The following WRN variants were observed in gnomAD, a reference collection of about 807,000 sequenced individuals.
The protein encoded by WRN is WRN RecQ like helicase.
A neutral mutation model predicts 180.7 loss-of-function variants in WRN; 149 were observed. That is an observed-to-expected ratio of 0.82 (90% CI 0.72 to 0.94). The LOEUF (loss-of-function observed/expected upper bound fraction) is 0.94. WRN is among the 40% of genes least tolerant of loss of function. The pLI is 0.00. For missense variants in WRN, 1,661 were observed against 1,700.1 expected, an observed-to-expected ratio of 0.98 and a Z score of 0.40; for synonymous variants, 548 against 568.9, an observed-to-expected ratio of 0.96 and a Z score of 0.52.
chr8:31,154,896 A>T, intron 32 of WRN, 141 bp downstream of exon 32: 1 of 1,173,110 alleles, frequency 8.5e-7, no homozygotes, highest in Non-Finnish European at 1.2e-6. Context: ...TTAATTTTAA[A>T]AGAGAATGTT....
intron 19 of WRN, among the ~76,000 whole-genome samples, chr8:31,113,306 A>T (rs558631113): frequency 6.6e-6 from 1 of 152,234 alleles, no homozygotes; most frequent in African/African-American, 2.4e-5. Context: ...GGGAATATTG[A>T]TGCTAGGCCA....
At chr8:31,040,266 C>T (rs990472175) in intron 1 of WRN, among the ~76,000 whole-genome samples, 1 of 152,064 alleles carries the variant, frequency 6.6e-6, no homozygotes, top group Non-Finnish European at 1.5e-5. Flanking sequence ...ATTCAAATAT[C>T]CAGTAAATAA....
intron 18 of WRN, among the ~76,000 whole-genome samples, chr8:31,101,919 C>T (rs1485740862): frequency 6.7e-6 from 1 of 148,524 alleles, no homozygotes; most frequent in Non-Finnish European, 1.5e-5. Flanking sequence ...ATTGTAGATT[C>T]ACAAGAAGTT....
chr8:31,164,896 TA>T (rs1233252149), intron 33 of WRN, among the ~76,000 whole-genome samples: 2 of 152,152 alleles, frequency 1.3e-5, no homozygotes, highest in African/African-American at 4.8e-5. Flanking sequence ...GATGCACCTG[TA>T]AAGCTAAATG....
chr8:31,149,138 T>C (rs1802988267), intron 30 of WRN, among the ~76,000 whole-genome samples: 1 of 152,110 alleles, frequency 6.6e-6, no homozygotes. Flanking sequence ...GGCTCACGCT[T>C]GTAAATCCCA....
At chr8:31,151,653 A>T (rs1480593429) in intron 31 of WRN, among the ~76,000 whole-genome samples, 2 of 152,186 alleles carry the variant, frequency 1.3e-5, no homozygotes, top group African/African-American at 2.4e-5. Context: ...GATATTATTT[A>T]ATAATGAATG....
In WRN at chr8:31,175,958, C is replaced by T. The variant is rs1244060698; in HGVS notation, c.*2856C>T. On this transcript the variant is annotated 3_prime_UTR_variant, in exon 35 of 35. Transcript: ENST00000298139. The stretch of plus-strand genomic sequence containing the variant: ...TAAAGTGGTAGTGATAGATATAACC[C>T]ATATTAATAAAAGCTCTTTGGGGTC... Among the ~76,000 whole-genome samples, 1 of 151,902 alleles carries T rather than the reference C, an allele frequency of 6.6e-6. No homozygotes were observed. Among genetic ancestry groups the T allele is most frequent in the Admixed American group, 6.5e-5 (1 of 15,272 alleles).
chr8:31,142,161 G>A (rs1802665989), intron 26 of WRN, among the ~76,000 whole-genome samples: 1 of 151,990 alleles, frequency 6.6e-6, no homozygotes, highest in Admixed American at 6.5e-5. Flanking sequence ...TTCCTAGGCT[G>A]GTCTTGAACT....
chr8:31,149,344 C>T (rs865911169), intron 30 of WRN, among the ~76,000 whole-genome samples: 7 of 148,232 alleles, frequency 4.7e-5, no homozygotes, highest in Middle Eastern at 3.3e-3. Flanking sequence ...TTGCAGTGAG[C>T]GGAGATCGCG....
chr8:31,173,134 G>A lies in WRN; in HGVS notation c.*32G>A. The A allele has an allele frequency of 6.3e-7, 1 of 1,582,542 alleles. No homozygotes were observed. Among genetic ancestry groups the A allele is most frequent in the Non-Finnish European group, 8.7e-7 (1 of 1,151,980 alleles). On this transcript the variant is annotated 3_prime_UTR_variant, in exon 35 of 35. Coordinates refer to ENST00000298139, the MANE Select transcript of WRN (RefSeq NM_000553.6). ...AATTACCAGAACAATTATGTTTCTTGCTGTATTATAAGAGGATAGCTATAT... is the reference window on the plus strand; with the variant it reads ...AATTACCAGAACAATTATGTTTCTTACTGTATTATAAGAGGATAGCTATAT...
At chr8:31,049,393 A>T (rs1258565380) in intron 1 of WRN, among the ~76,000 whole-genome samples, 1 of 151,570 alleles carries the variant, frequency 6.6e-6, no homozygotes, top group East Asian at 2.0e-4. Flanking sequence ...TTAGCTGGGC[A>T]TGGTGGCATG....
At chr8:31,048,591 A>G (rs1438005013) in intron 1 of WRN, among the ~76,000 whole-genome samples, 5 of 152,190 alleles carry the variant, frequency 3.3e-5, no homozygotes, top group African/African-American at 7.2e-5. Flanking sequence ...TAAAACCTCA[A>G]TGTGCAAGGT....
At position 31,115,134 on chromosome 8, in the gene WRN, A is replaced by G. The variant is rs554284328; in HGVS notation, c.2274-1220A>G. 2.0e-5 allele frequency among the ~76,000 whole-genome samples: 3 copies of G among 152,146 alleles called. No individual in the cohort carries two copies. The South Asian group carries it at 6.2e-4, about 32-fold the overall frequency. On this transcript the variant is annotated intron_variant, in intron 19 of 34. Transcript: ENST00000298139. ...TGGTCTCGAACTTCTGAGCTCAGGT[A>G]ATCCGCCCGCCTTGGCATCCCAAAG...
At position 31,123,703 on chromosome 8, in the gene WRN, T is replaced by C. The variant is rs564639073; in HGVS notation, c.2631-819T>C. ...CTTAGATATTATAAGTAAATCGTTG[T>C]TTTCTTTTGAAATATCTGAAACCTA... On this transcript the variant is annotated intron_variant, in intron 21 of 34. Coordinates refer to ENST00000298139, the MANE Select transcript of WRN (RefSeq NM_000553.6). 5.3e-5 allele frequency among the ~76,000 whole-genome samples: 8 copies of C among 152,212 alleles called. No individual in the cohort carries two copies. The South Asian group carries it at 1.7e-3, about 32-fold the overall frequency.
At chr8:31,146,629 A>C in intron 28 of WRN, among the ~76,000 whole-genome samples, 1 of 152,136 alleles carries the variant, frequency 6.6e-6, no homozygotes, top group East Asian at 1.9e-4. Context: ...ACCAGCCAAA[A>C]ATCTATGATG....
At chr8:31,093,826 A>C (rs1204102436) in intron 16 of WRN, among the ~76,000 whole-genome samples, 6 of 152,198 alleles carry the variant, frequency 3.9e-5, no homozygotes, top group Non-Finnish European at 8.8e-5. Flanking sequence ...TGCATTTTCT[A>C]AACTTATATA....
chr8:31,044,597 C>T (rs535080336), intron 1 of WRN, among the ~76,000 whole-genome samples: 53 of 151,600 alleles, frequency 3.5e-4, no homozygotes, highest in African/African-American at 1.2e-3. Context: ...CTACGTGATC[C>T]GCCTGCCTCG....
intron 8 of WRN, among the ~76,000 whole-genome samples, 181 bp from the exon 9 acceptor site, chr8:31,080,686 G>GA (rs1813266242): frequency 6.6e-6 from 1 of 152,094 alleles, no homozygotes; most frequent in Non-Finnish European, 1.5e-5. Context: ...CTTGATGCTA[G>GA]AGAGTAGCCT....
intron 24 of WRN, among the ~76,000 whole-genome samples, chr8:31,137,766 G>A (rs180784070): frequency 5.3e-5 from 8 of 152,114 alleles, no homozygotes; most frequent in African/African-American, 1.9e-4. Context: ...TATATTGGGT[G>A]TGTGTGTGGA....
Sources: allele counts gnomAD v4.1 joint callset (sites outside exome capture counted in the v4.1 genomes callset), GRCh38; gene constraint gnomAD v4.1.1; transcripts MANE v1.5; gene names NCBI Gene and HGNC (gene_info 2026-07-23, HGNC 2026-07-21).